PRR12: variants seen among roughly 807,000 people sequenced by gnomAD.
PRR12 encodes the protein proline rich 12, also known as proline-rich protein 12.
Under a neutral mutation model 138.0 loss-of-function variants are expected in PRR12, and 12 were observed. The ratio of observed to expected loss-of-function variants is 0.09; its 90% CI spans 0.06 to 0.14. PRR12 has a LOEUF of 0.14. Ranked by LOEUF, PRR12 falls within the 10% of genes least tolerant of loss-of-function variation. The pLI, the probability that PRR12 is intolerant of heterozygous loss-of-function variation, is 1.00. For missense variants in PRR12, 2,692 were observed against 2,861.3 expected (o/e 0.94, Z 1.35); for synonymous variants, 1,567 against 1,291.7 (o/e 1.21, Z -4.57).
At position 49,591,597 on chromosome 19, in the gene PRR12, G is replaced by A. The variant is rs2080726680; in HGVS notation, c.-58G>A. Reference sequence around the variant, plus strand: ...AGCGGCGGCGGAGGAGAGCGCGCGCGCGCCCCCTCCCTCCCTCCCTCCCTC... The same window carrying A: ...AGCGGCGGCGGAGGAGAGCGCGCGCACGCCCCCTCCCTCCCTCCCTCCCTC... On this transcript the variant is annotated 5_prime_UTR_variant, in exon 1 of 14. Coordinates refer to ENST00000418929, the MANE Select transcript of PRR12 (RefSeq NM_020719.3). The A allele has an allele frequency of 2.3e-6, 1 of 444,246 alleles. No individual in the cohort carries two copies. 27.5% of individuals were successfully genotyped at this position (444,246 alleles called of 1,614,324 possible).
intron 5 of PRR12, among the ~76,000 whole-genome samples, chr19:49,601,247 T>A (rs886287043): frequency 7.2e-5 from 11 of 151,996 alleles, no homozygotes; most frequent in African/African-American, 2.7e-4. Context: ...AGACAAGGGC[T>A]TTAAGACCAC....
intron 9 of PRR12, among the ~76,000 whole-genome samples, chr19:49,618,876 G>C (rs1599801839): frequency 6.6e-6 from 1 of 151,784 alleles, no homozygotes; most frequent in African/African-American, 2.4e-5. Flanking sequence ...CCTCCAGTCT[G>C]TCCCCTGCTT....
At chr19:49,613,720 C>CT (rs2080877933) in intron 6 of PRR12, among the ~76,000 whole-genome samples, 1 of 152,228 alleles carries the variant, frequency 6.6e-6, no homozygotes, top group African/African-American at 2.4e-5. Context: ...GCTTGTCTGT[C>CT]TCATTACCTC....
intron 6 of PRR12, among the ~76,000 whole-genome samples, chr19:49,602,583 T>C (rs1252839764): frequency 1.3e-5 from 2 of 152,174 alleles, no homozygotes; most frequent in East Asian, 3.8e-4. Context: ...AGATGGAGTT[T>C]CGCTCTTGTC....
intron 9 of PRR12, among the ~76,000 whole-genome samples, chr19:49,619,851 CTTTTTTTTT>C (rs55707507): frequency 1.1e-4 from 6 of 53,946 alleles, no homozygotes; most frequent in African/African-American, 3.5e-4. Flanking sequence ...CAATGCCTGG[CTTTTTTTTT>C]TTTTTTTTTT....
intron 8 of PRR12, among the ~76,000 whole-genome samples, chr19:49,615,338 G>A (rs992542796): frequency 6.6e-5 from 10 of 151,670 alleles, no homozygotes; most frequent in African/African-American, 2.2e-4. Context: ...AGAGATGGGG[G>A]AGGACAAAGA....
chr19:49,625,007 G>A lies in PRR12; in HGVS notation c.5868+17G>A, dbSNP rs2080947375. 1 of 1,606,296 alleles carries A rather than the reference G, an allele frequency of 6.2e-7. No individual in the cohort carries two copies. Among genetic ancestry groups the A allele is most frequent in the African/African-American group, 1.3e-5 (1 of 74,798 alleles). On this transcript the variant is annotated intron_variant, in intron 12 of 13. Coordinates refer to ENST00000418929, the MANE Select transcript of PRR12 (RefSeq NM_020719.3). This position sits in a 1 kb window ranked among gnomAD's most constrained non-coding sequence, Gnocchi z 5.5. ...AGAGCCCAGGTGGGCACTGGGGCTG[G>A]GGCTGGGAGTGGGGAGTGCTGGCGG...
chr19:49,620,352 A>G lies in PRR12; in HGVS notation c.5498A>G (p.Glu1833Gly). The change falls in exon 10 of 14, where the codon GAG becomes GGG. Residue 1833 changes from glutamate to glycine, a missense_variant and splice_region_variant. This residue lies in a region of PRR12 where 259 missense variants were observed against 265.1 expected (regional missense o/e 0.98). Transcript: ENST00000418929. ...AGCCTGCGTCCTGTCTTTTCTGCAG[A>G]GCGGGCAGTACCTGGGCGTCTGCTC... is the stretch of plus-strand genomic sequence containing the variant. ...ESSPGAPSEDERAVPGRLLKT... is the reference protein window; with the variant it reads ...ESSPGAPSEDGRAVPGRLLKT... 1.2e-6 allele frequency: 2 copies of G among 1,613,170 alleles called. No individual in the cohort carries two copies. Among genetic ancestry groups the G allele is most frequent in the Non-Finnish European group, 1.7e-6 (2 of 1,179,596 alleles).
chr19:49,593,214 C>A, intron 1 of PRR12, 113 bp from the exon 2 acceptor site: 2 of 568,480 alleles, frequency 3.5e-6, no homozygotes, highest in Non-Finnish European at 3.1e-6. Flanking sequence ...TAGCTTAACA[C>A]CCCCCACCCC....
rs369313628 is a variant in PRR12 at position 49,601,560 on chromosome 19, C to T, written c.4415C>T (p.Pro1472Leu). The change falls in exon 6 of 14, where the codon CCG becomes CTG. Residue 1472 changes from proline to leucine, a missense_variant. Pro to Leu is a moderately conservative substitution (Grantham distance 98). Around this residue, in one of 11 missense-constraint regions of PRR12, gnomAD observed 231 missense variants for 200.8 expected, o/e 1.15. Transcript: ENST00000418929. Reference protein sequence around the residue: ...PPAPTPQPQPPPPPPPPQPAL... With the variant: ...PPAPTPQPQPLPPPPPPQPAL... ...GCCCCGACTCCTCAGCCTCAGCCTC[C>T]GCCACCCCCTCCGCCGCCACAGCCA... 661 of 1,540,922 alleles carry T rather than the reference C, an allele frequency of 4.3e-4. 1 individual carries two copies. Among genetic ancestry groups the T allele is most frequent in the Non-Finnish European group, 5.4e-4 (621 of 1,139,458 alleles).
rs1294415616 is a variant in PRR12 at position 49,597,482 on chromosome 19, C to T, written c.3147C>T (p.Pro1049=). 9 of 1,546,582 alleles carry T rather than the reference C, an allele frequency of 5.8e-6. No individual in the cohort carries two copies. Among genetic ancestry groups the T allele is most frequent in the Middle Eastern group, 1.7e-4 (1 of 5,992 alleles). ...CCCCGCCTCCGCCACCGCCGCCTCC[C>T]GCGCCGGCCTCCGAACCCAAGGGTG... ...PPPPPPPPPP[P]APASEPKGGL... The change falls in exon 4 of 14, where the codon CCC becomes CCT. Residue 1049 remains proline, a synonymous_variant. Coordinates refer to ENST00000418929, the MANE Select transcript of PRR12 (RefSeq NM_020719.3). This position sits in a 1 kb window ranked among gnomAD's most constrained non-coding sequence, Gnocchi z 6.3.
At position 49,620,334 on chromosome 19, in the gene PRR12, G is replaced by A. The variant is rs1179023383; in HGVS notation, c.5498-18G>A. The A allele has an allele frequency of 1.1e-5, 18 of 1,612,630 alleles. No homozygotes were observed. The highest frequency in any genetic ancestry group is 1.7e-5 in the Admixed American group (1 of 59,810). ...GAGGAAATTGGGATAACGAGCCTGCGTCCTGTCTTTTCTGCAGAGCGGGCA... is the reference window on the plus strand; with the variant it reads ...GAGGAAATTGGGATAACGAGCCTGCATCCTGTCTTTTCTGCAGAGCGGGCA... On this transcript the variant is annotated intron_variant, in intron 9 of 13. Coordinates refer to ENST00000418929, the MANE Select transcript of PRR12 (RefSeq NM_020719.3).
In PRR12 at chr19:49,624,514, G is replaced by A. The variant is rs553516566; in HGVS notation, c.5722-330G>A. Among the ~76,000 whole-genome samples the A allele has an allele frequency of 2.8e-3, 419 of 148,016 alleles. 3 individuals carry two copies. The highest frequency in any genetic ancestry group is 0.023 in the South Asian group (109 of 4,772). ...TGGGGTAGGTGGTTAGGATGGGGCT[G>A]AGAATTCTGGGATAGATGGTTAGGA... On this transcript the variant is annotated intron_variant, in intron 11 of 13. Transcript: ENST00000418929.
In PRR12 at chr19:49,596,236, A is replaced by G. The variant is rs779941099; in HGVS notation, c.1901A>G (p.Glu634Gly). The G allele has an allele frequency of 6.2e-7, 1 of 1,610,846 alleles. No homozygotes were observed. Among genetic ancestry groups the G allele is most frequent in the South Asian group, 1.1e-5 (1 of 91,060 alleles). ...GCGGGCCCAGGTGGGCCTCCTGCGG[A>G]GCGCACAGAGGATGAGGAGTTCCTT... ...LLAGPGGPPA[E>G]RTEDEEFLIQ... Residue 634 changes from glutamate (E) to glycine (G), a missense_variant, in exon 4 of 14, where the codon GAG becomes GGG. Physicochemically the swap from Glu to Gly is moderately conservative, Grantham distance 98. Coordinates refer to ENST00000418929, the MANE Select transcript of PRR12 (RefSeq NM_020719.3). The surrounding 1 kb of genome is among the most constrained non-coding windows in gnomAD (Gnocchi z 5.6).
intron 11 of PRR12, among the ~76,000 whole-genome samples, chr19:49,622,606 A>G (rs2080929112): frequency 7.0e-6 from 1 of 143,456 alleles, no homozygotes; most frequent in Non-Finnish European, 1.5e-5. Context: ...AGAAAAAAAA[A>G]ACAGGCCAGG....
rs754913665 is a variant in PRR12 at position 49,616,070 on chromosome 19, A to G, written c.5348A>G (p.Lys1783Arg). Residue 1783 changes from lysine to arginine, a missense_variant, in exon 9 of 14, where the codon AAA (lysine) becomes AGA (arginine). Around this residue, in one of 11 missense-constraint regions of PRR12, gnomAD observed 259 missense variants for 265.1 expected, o/e 0.98. Coordinates refer to ENST00000418929, the MANE Select transcript of PRR12 (RefSeq NM_020719.3). The surrounding 1 kb of genome is among the most constrained non-coding windows in gnomAD (Gnocchi z 4.2). ...CAACCTGCCACATCCCGGCTGCCCA[A>G]AGCCCGGCCTACCAAGGTGAAGGCT... ...TGQPATSRLPKARPTKVKAEP... is the reference protein window; with the variant it reads ...TGQPATSRLPRARPTKVKAEP... The G allele has an allele frequency of 1.9e-6, 3 of 1,566,334 alleles. No individual in the cohort carries two copies. Among genetic ancestry groups the G allele is most frequent in the Non-Finnish European group, 2.6e-6 (3 of 1,156,222 alleles).
intron 6 of PRR12, among the ~76,000 whole-genome samples, chr19:49,612,228 C>CAAAAA (rs1170293912): frequency 5.6e-5 from 3 of 53,466 alleles, no homozygotes; most frequent in African/African-American, 6.8e-5. Context: ...GACTCTGTCT[C>CAAAAA]AAAAAAAAAA....
chr19:49,624,228 G>GATA (rs2080941737), intron 11 of PRR12, among the ~76,000 whole-genome samples: 1 of 150,844 alleles, frequency 6.6e-6, no homozygotes, highest in Non-Finnish European at 1.5e-5. Flanking sequence ...AGAATTCTGG[G>GATA]GTAGGTGGTT....
rs766379495 is a variant in PRR12, at chr19:49,593,285, G to A, written c.87-42G>A. On this transcript the variant is annotated intron_variant, in intron 1 of 13. Transcript: ENST00000418929. ...GTTTTCTGAGCTTCCTTCTCAGAAG[G>A]CAGCTTGGAAGAACCCCCTGACGTC... The A allele has an allele frequency of 8.0e-6, 8 of 997,568 alleles. No homozygotes were observed. The East Asian group carries it at 1.9e-4, about 24-fold the overall frequency. 61.8% of individuals were successfully genotyped at this position (997,568 alleles called of 1,614,324 possible).
Sources: allele counts gnomAD v4.1 joint callset (sites outside exome capture counted in the v4.1 genomes callset), GRCh38; gene constraint gnomAD v4.1.1; regional missense constraint gnomAD v4.1.1; non-coding constraint Gnocchi (gnomAD v3.1); transcripts MANE v1.5; gene names NCBI Gene and HGNC (gene_info 2026-07-23, HGNC 2026-07-21).